The following CDH10 variants were observed in gnomAD, a reference collection of about 807,000 sequenced individuals.
CDH10 encodes cadherin-10.
Under a neutral mutation model 73.1 loss-of-function variants are expected in CDH10, and 30 were observed. That is an observed-to-expected ratio of 0.41 (90% CI 0.31 to 0.56). The LOEUF (loss-of-function observed/expected upper bound fraction) is 0.56. Among genes scored for constraint, CDH10 ranks in the 20% least tolerant of loss-of-function variants. CDH10 has a pLI of 0.27. For missense variants in CDH10, 815 were observed against 973.7 expected, an observed-to-expected ratio of 0.84 and a Z score of 2.17; for synonymous variants, 345 against 348.2, an observed-to-expected ratio of 0.99 and a Z score of 0.10.
chr5:24,505,001 G>A (rs1742653174), intron 8 of CDH10, 111 bp downstream of exon 8: 2 of 776,360 alleles, frequency 2.6e-6, no homozygotes, highest in Non-Finnish European at 2.0e-6. Context: ...TGTCCAATGA[G>A]AATGAATTAT....
chr5:24,487,634 T>G lies in CDH10; in HGVS notation c.*29A>C. The G allele has an allele frequency of 6.4e-7, 1 of 1,568,034 alleles. No individual in the cohort carries two copies. Among genetic ancestry groups the G allele is most frequent in the Non-Finnish European group, 8.7e-7 (1 of 1,155,182 alleles). ...AGACAGCATGGGTAGAGTTACTTTCTCTTGTTTGAACAGAACATATATCCT... is the reference window on the plus strand; with the variant it reads ...AGACAGCATGGGTAGAGTTACTTTCGCTTGTTTGAACAGAACATATATCCT... On this transcript the variant is annotated 3_prime_UTR_variant, in exon 12 of 12. Coordinates refer to ENST00000264463, the MANE Select transcript of CDH10 (RefSeq NM_006727.5).
chr5:24,573,517 C>A (rs1251778137), intron 2 of CDH10, among the ~76,000 whole-genome samples: 1 of 151,582 alleles, frequency 6.6e-6, no homozygotes, highest in Non-Finnish European at 1.5e-5. Flanking sequence ...CTGGCTAACA[C>A]GGTGAAACCC....
intron 2 of CDH10, among the ~76,000 whole-genome samples, chr5:24,577,697 A>G (rs766571724): frequency 1.3e-5 from 2 of 152,134 alleles, no homozygotes; most frequent in Non-Finnish European, 2.9e-5. Context: ...TCCTAAATTA[A>G]TTCTAAACCT....
intron 8 of CDH10, among the ~76,000 whole-genome samples, 167 bp from the exon 9 acceptor site, chr5:24,498,686 T>C (rs1368555930): frequency 3.9e-5 from 6 of 152,188 alleles, no homozygotes; most frequent in Admixed American, 1.3e-4. Context: ...CAGAGCCTAA[T>C]TAAGTAGTCA....
At chr5:24,529,241 C>T (rs1743639195) in intron 5 of CDH10, among the ~76,000 whole-genome samples, 1 of 151,938 alleles carries the variant, frequency 6.6e-6, no homozygotes, top group Admixed American at 6.6e-5. Context: ...AACAAACAAG[C>T]ATGCATAGGT....
At chr5:24,584,475 TGAGAGA>T (rs1554023331) in intron 2 of CDH10, among the ~76,000 whole-genome samples, 3 of 79,690 alleles carry the variant, frequency 3.8e-5, no homozygotes, top group East Asian at 3.9e-4. Context: ...TGTGTGTGTG[TGAGAGA>T]GAGAGAGAGA....
chr5:24,634,636 T>C (rs1156322104), intron 1 of CDH10, among the ~76,000 whole-genome samples: 3 of 151,762 alleles, frequency 2.0e-5, no homozygotes, highest in Non-Finnish European at 2.9e-5. Flanking sequence ...TGTAAATATA[T>C]AGCTATGGCA....
chr5:24,492,797 G>T lies in CDH10; in HGVS notation c.1624+20C>A. 3.1e-6 allele frequency: 3 copies of T among 964,622 alleles called. No individual in the cohort carries two copies. The South Asian group carries it at 3.9e-5, about 12-fold the overall frequency. 59.8% of individuals were successfully genotyped at this position (964,622 alleles called of 1,614,324 possible). A position where few individuals can be genotyped will look rare whatever the true frequency, so the allele number is the denominator to read the frequency against. On this transcript the variant is annotated intron_variant, in intron 10 of 11. Transcript: ENST00000264463. Reference sequence around the variant, plus strand: ...TGTTAATATCATCATAAGTCATAGTGAACAAGTTCTAAAATTTACCTTCAT... The same window carrying T: ...TGTTAATATCATCATAAGTCATAGTTAACAAGTTCTAAAATTTACCTTCAT...
chr5:24,500,507 A>AGGTTTAGCGTTCAGGCCCTGG (rs1742453988), intron 8 of CDH10, among the ~76,000 whole-genome samples: 1 of 152,212 alleles, frequency 6.6e-6, no homozygotes, highest in Non-Finnish European at 1.5e-5. Flanking sequence ...GTGTACCACG[A>AGGTTTAGCGTTCAGGCCCTGG]GGTTTAGCGT....
At chr5:24,582,254 G>A (rs1269725709) in intron 2 of CDH10, among the ~76,000 whole-genome samples, 1 of 152,130 alleles carries the variant, frequency 6.6e-6, no homozygotes, top group Non-Finnish European at 1.5e-5. Context: ...ATATTAATAG[G>A]ATTGTACTGA....
At chr5:24,521,180 C>A (rs893715394) in intron 5 of CDH10, among the ~76,000 whole-genome samples, 1 of 152,150 alleles carries the variant, frequency 6.6e-6, no homozygotes, top group African/African-American at 2.4e-5. Flanking sequence ...ATCCGATCAA[C>A]AAAACGGCTA....
intron 2 of CDH10, among the ~76,000 whole-genome samples, chr5:24,591,445 T>A (rs527483349): frequency 1.3e-5 from 2 of 152,116 alleles, no homozygotes; most frequent in South Asian, 2.1e-4. Context: ...AACACATTCA[T>A]AAATTCCTTA....
chr5:24,569,212 A>G (rs1745276600), intron 2 of CDH10, among the ~76,000 whole-genome samples: 1 of 152,194 alleles, frequency 6.6e-6, no homozygotes, highest in South Asian at 2.1e-4. Context: ...GCAAATTTAT[A>G]GAGACAGAAA....
intron 1 of CDH10, among the ~76,000 whole-genome samples, chr5:24,644,046 T>G (rs1748138484): frequency 6.6e-6 from 1 of 152,200 alleles, no homozygotes. Context: ...GTCAATCTAT[T>G]GTATTTATGT....
At chr5:24,581,152 C>T (rs921323340) in intron 2 of CDH10, among the ~76,000 whole-genome samples, 4 of 152,136 alleles carry the variant, frequency 2.6e-5, no homozygotes, top group African/African-American at 4.8e-5. Flanking sequence ...GGGCACCCCC[C>T]GACCCATTAC....
rs2111642181 is a variant in CDH10 at position 24,491,826 on chromosome 5, A to T, written c.1626T>A (p.Asp542Glu). 6.3e-7 allele frequency: 1 copy of T among 1,581,402 alleles called. No homozygotes were observed. The highest frequency in any genetic ancestry group is 8.7e-7 in the Non-Finnish European group (1 of 1,153,424). The change falls in exon 11 of 12, where the codon GAT becomes GAA. Residue 542 changes from aspartate (D) to glutamate (E), a missense_variant and splice_region_variant. Physicochemically the swap from Asp to Glu is conservative, Grantham distance 45. This residue lies in a region of CDH10 where 516 missense variants were observed against 636.6 expected (regional missense o/e 0.81). Transcript: ENST00000264463. ...NPNFTVQDNE[D>E]NTARILTRKN... ...TTCTGGTTAAGATTCTGGCAGTATT[A>T]TCTAAAACAAATTTTAAAATATTAC...
intron 1 of CDH10, among the ~76,000 whole-genome samples, chr5:24,616,494 C>T (rs1408741351): frequency 6.6e-6 from 1 of 151,436 alleles, no homozygotes. Context: ...AAATAAATGG[C>T]AGCATTGATA....
chr5:24,572,935 GAAAAAAAAAA>G (rs55946839), intron 2 of CDH10, among the ~76,000 whole-genome samples: 3 of 72,100 alleles, frequency 4.2e-5, no homozygotes, highest in East Asian at 8.7e-4. Flanking sequence ...CTTAGAAAAA[GAAAAAAAAAA>G]AAAAAAAAAA....
chr5:24,641,269 C>T (rs1267355849), intron 1 of CDH10, among the ~76,000 whole-genome samples: 3 of 151,800 alleles, frequency 2.0e-5, no homozygotes, highest in African/African-American at 4.8e-5. Flanking sequence ...ACAGGCGACC[C>T]AGAGCTGATA....
Sources: gnomAD v4.1 joint callset for allele counts (sites outside exome capture counted in the v4.1 genomes callset) on GRCh38, gnomAD v4.1.1 for gene constraint, gnomAD v4.1.1 regional missense constraint, MANE v1.5 for transcripts, NCBI Gene and HGNC (gene_info 2026-07-23, HGNC 2026-07-21) for gene names.